Variants in KANSL3 observed in about 807,000 individuals in gnomAD.
The protein encoded by KANSL3 is NSL complex protein NSL3.
Under a neutral mutation model 89.2 loss-of-function variants are expected in KANSL3, and 16 were observed. The observed-to-expected ratio is 0.18, with a 90% confidence interval of 0.12 to 0.27. The LOEUF (loss-of-function observed/expected upper bound fraction) is 0.27. Ranked by LOEUF, KANSL3 falls within the 10% of genes least tolerant of loss-of-function variation. The pLI is 1.00. For synonymous variants in KANSL3, 385 were observed against 419.7 expected (o/e 0.92, Z 1.01); for missense variants, 879 against 1,110.6 (o/e 0.79, Z 2.96).
chr2:96,603,145 C>T (rs2067428525), intron 17 of KANSL3, among the ~76,000 whole-genome samples: 1 of 152,144 alleles, frequency 6.6e-6, no homozygotes, highest in Non-Finnish European at 1.5e-5. Context: ...CAAGTTTGTT[C>T]CTTTCTTTCC....
the KANSL3 span, among the ~76,000 whole-genome samples, chr2:96,583,670 T>C: frequency 6.6e-6 from 1 of 152,242 alleles, no homozygotes; most frequent in African/African-American, 2.4e-5. Context: ...TAAGGGACAT[T>C]CAGTCTATTT....
downstream of KANSL3, among the ~76,000 whole-genome samples, chr2:96,589,956 C>T (rs1283017636): frequency 6.6e-6 from 1 of 151,304 alleles, no homozygotes; most frequent in Non-Finnish European, 1.5e-5. Context: ...CAAGACCAGC[C>T]TGGCCGACGT....
At chr2:96,609,690 G>T in intron 11 of KANSL3, 128 bp from the exon 12 acceptor site, 1 of 839,682 alleles carries the variant, frequency 1.2e-6, no homozygotes, top group Admixed American at 1.9e-5. Flanking sequence ...TTAGCCTTAG[G>T]CAGGTAATGC....
At chr2:96,631,972 G>A (rs1434645676) in intron 2 of KANSL3, among the ~76,000 whole-genome samples, 3 of 151,984 alleles carry the variant, frequency 2.0e-5, no homozygotes, top group Admixed American at 2.0e-4. Flanking sequence ...CTGGAACCCG[G>A]GAAGTCAAGG....
intron 9 of KANSL3, 99 bp downstream of exon 9, chr2:96,612,183 C>T (rs1187432854): frequency 3.6e-6 from 3 of 825,770 alleles, no homozygotes; most frequent in Admixed American, 1.9e-5. Context: ...GGTAAAGTAT[C>T]TAGCGCAGAG....
chr2:96,591,896 CTAA>C (rs2066282214), downstream of KANSL3, among the ~76,000 whole-genome samples: 1 of 152,142 alleles, frequency 6.6e-6, no homozygotes, highest in Non-Finnish European at 1.5e-5. Context: ...ATAAAAATGC[CTAA>C]TGAGAGAATA....
downstream of KANSL3, among the ~76,000 whole-genome samples, chr2:96,588,550 G>A (rs2104758353): frequency 6.6e-6 from 1 of 152,026 alleles, no homozygotes; most frequent in South Asian, 2.1e-4. Context: ...AAGAACAATG[G>A]AAAGAGCAAA....
the KANSL3 span, among the ~76,000 whole-genome samples, chr2:96,581,750 T>G: frequency 2.6e-5 from 4 of 152,226 alleles, no homozygotes; most frequent in Admixed American, 2.6e-4. Flanking sequence ...TTCTAAATGT[T>G]TCTTTCAATA....
intron 5 of KANSL3, 84 bp from the exon 6 acceptor site, chr2:96,613,703 C>G: frequency 1.5e-6 from 2 of 1,308,306 alleles, no homozygotes; most frequent in South Asian, 1.3e-5. Context: ...GAACAGAGCC[C>G]CACTATAAGC....
At chr2:96,581,150 G>A in the KANSL3 span, among the ~76,000 whole-genome samples, 2 of 152,226 alleles carry the variant, frequency 1.3e-5, no homozygotes, top group South Asian at 2.1e-4. Flanking sequence ...AAGGGGCAGG[G>A]CACGGTGGCT....
intron 5 of KANSL3, among the ~76,000 whole-genome samples, chr2:96,617,739 T>C (rs1013153008): frequency 6.6e-6 from 1 of 151,908 alleles, no homozygotes; most frequent in Non-Finnish European, 1.5e-5. Context: ...AGCTCACGCC[T>C]GTAATCCCAG....
At chr2:96,593,169 A>C (rs2066329468), downstream of KANSL3, 1 of 444,294 alleles carries the variant, frequency 2.3e-6, no homozygotes, top group South Asian at 1.6e-5. Context: ...AGCAATCCAA[A>C]TGTTGTTTTT....
At chr2:96,635,871 G>A (rs936732381) in intron 2 of KANSL3, among the ~76,000 whole-genome samples, 1 of 152,060 alleles carries the variant, frequency 6.6e-6, no homozygotes, top group Non-Finnish European at 1.5e-5. Flanking sequence ...GCACACGCCG[G>A]TAGTCCCAGC....
In KANSL3 at chr2:96,602,046, A is replaced by C; in HGVS notation, c.2482+70T>G. Reference sequence around the variant, plus strand: ...GGTTTCAACATCATACCTTGCCCACATGAGATGGGAAGGTCCTGGGGGAAA... The same window carrying C: ...GGTTTCAACATCATACCTTGCCCACCTGAGATGGGAAGGTCCTGGGGGAAA... On this transcript the variant is annotated intron_variant, in intron 19 of 20. Transcript: ENST00000431828. The C allele has an allele frequency of 4.2e-6, 6 of 1,425,348 alleles. No individual in the cohort carries two copies. The South Asian group carries it at 6.3e-5, about 15-fold the overall frequency. The allele number at this position is 1,425,348 out of a possible 1,614,324, so 88.3% of individuals were successfully genotyped here.
intron 1 of KANSL3, 56 bp downstream of exon 1, chr2:96,638,227 C>T (rs2074545376): frequency 6.6e-6 from 1 of 152,290 alleles, no homozygotes; most frequent in African/African-American, 2.4e-5. Context: ...GCCGTCCCAA[C>T]CACGGCCGCG....
intron 2 of KANSL3, chr2:96,634,162 C>T (rs1410038465): frequency 2.6e-5 from 4 of 152,232 alleles, no homozygotes; most frequent in African/African-American, 9.6e-5. Context: ...AGCTACTTAG[C>T]TCATTTTGTA....
chr2:96,628,861 C>T (rs992755191), intron 3 of KANSL3, among the ~76,000 whole-genome samples: 3 of 151,904 alleles, frequency 2.0e-5, no homozygotes, highest in African/African-American at 7.3e-5. Flanking sequence ...GATACATAAC[C>T]ATACCAGGCC....
In KANSL3 at chr2:96,605,396, C is replaced by T. The variant is rs1183998540; in HGVS notation, c.1857G>A (p.Lys619=). 6.8e-6 allele frequency: 11 copies of T among 1,613,854 alleles called. No individual in the cohort carries two copies. Among genetic ancestry groups the T allele is most frequent in the Non-Finnish European group, 8.5e-6 (10 of 1,179,886 alleles). Residue 619 remains lysine (K), a synonymous_variant, in exon 15 of 21, where the codon AAG becomes AAA. Transcript: ENST00000431828. Reference sequence around the variant, plus strand: ...CTTGGGAGATAAGGGACACCTTGATCTTCGGTCGTTTGGAGGTCTTACTGC... The same window carrying T: ...CTTGGGAGATAAGGGACACCTTGATTTTCGGTCGTTTGGAGGTCTTACTGC... ...LPGSKTSKRP[K]IKVSLISQGD...
chr2:96,628,918 C>G (rs1375412227), intron 3 of KANSL3, among the ~76,000 whole-genome samples: 1 of 152,164 alleles, frequency 6.6e-6, no homozygotes, highest in Non-Finnish European at 1.5e-5. Flanking sequence ...TCTTACTGCC[C>G]TTAATTAAGG....
Sources: allele counts gnomAD v4.1 joint callset (sites outside exome capture counted in the v4.1 genomes callset), GRCh38; gene constraint gnomAD v4.1.1; transcripts MANE v1.5; gene names NCBI Gene and HGNC (gene_info 2026-07-23, HGNC 2026-07-21).